USP15: variants seen among roughly 807,000 people sequenced by gnomAD.
USP15 encodes ubiquitin carboxyl-terminal hydrolase 15.
In USP15, 18 loss-of-function variants were observed where a neutral mutation model predicts 127.1. That is an observed-to-expected ratio of 0.14 (90% CI 0.10 to 0.21). The LOEUF (loss-of-function observed/expected upper bound fraction) is 0.21. Among genes scored for constraint, USP15 ranks in the 10% least tolerant of loss-of-function variants. The probability of loss-of-function intolerance (pLI) is 1.00; values close to 1 mark genes in which losing one functional copy is unlikely to be tolerated. For synonymous variants in USP15, 364 were observed against 393.7 expected (o/e 0.92, Z 0.89); for missense variants, 805 against 1,159.9 (o/e 0.69, Z 4.44).
At chr12:62,268,627 T>G (rs1167017142) in intron 1 of USP15, among the ~76,000 whole-genome samples, 1 of 152,130 alleles carries the variant, frequency 6.6e-6, no homozygotes, top group Non-Finnish European at 1.5e-5. Flanking sequence ...TTCTTAAAAA[T>G]TACTGACTTT....
At chr12:62,380,654 A>C (rs1280099650) in intron 8 of USP15, among the ~76,000 whole-genome samples, 1 of 152,022 alleles carries the variant, frequency 6.6e-6, no homozygotes, top group Non-Finnish European at 1.5e-5. Context: ...ATGTGACCAT[A>C]TGTCTGTGTT....
chr12:62,314,911 C>T lies in USP15; in HGVS notation c.470C>T (p.Thr157Ile). The change falls in exon 4 of 22, where the codon ACA (threonine) becomes ATA (isoleucine). Residue 157 changes from threonine to isoleucine, a missense_variant. By Grantham distance (89) the Thr-to-Ile change is moderately conservative. This residue lies in a region of USP15 where 57 missense variants were observed against 47.3 expected (regional missense o/e 1.20). Transcript: ENST00000280377. ...ACTCGAAGATTTAGCAAAGCTGACACAATAGGTAATGCAAGATCCTGTCTT... is the reference window on the plus strand; with the variant it reads ...ACTCGAAGATTTAGCAAAGCTGACATAATAGGTAATGCAAGATCCTGTCTT... The part of the protein sequence containing the change: ...VVTRRFSKAD[T>I]IDTIEKEIRK... 2 of 1,574,716 alleles carry T rather than the reference C, an allele frequency of 1.3e-6. No homozygotes were observed. The highest frequency in any genetic ancestry group is 1.7e-6 in the Non-Finnish European group (2 of 1,160,898).
chr12:62,342,608 T>C (rs571883322), intron 6 of USP15, among the ~76,000 whole-genome samples: 1 of 152,142 alleles, frequency 6.6e-6, no homozygotes, highest in African/African-American at 2.4e-5. Context: ...GTCTTTTTGT[T>C]GATGTTGTTG....
At chr12:62,383,411 C>T (rs1441283137) in intron 9 of USP15, among the ~76,000 whole-genome samples, 1 of 151,982 alleles carries the variant, frequency 6.6e-6, no homozygotes, top group Non-Finnish European at 1.5e-5. Flanking sequence ...ATATCTAACA[C>T]ATACTTTTTC....
At chr12:62,264,122 C>T (rs563535232) in intron 1 of USP15, among the ~76,000 whole-genome samples, 5 of 152,178 alleles carry the variant, frequency 3.3e-5, no homozygotes, top group African/African-American at 9.6e-5. Context: ...GTAGCTGGGC[C>T]TGCAGGCACA....
intron 6 of USP15, chr12:62,336,454 A>G (rs1289403196): frequency 1.0e-6 from 1 of 985,326 alleles, no homozygotes; most frequent in African/African-American, 1.7e-5. Context: ...CAAGTCTTGC[A>G]GATTCTGCCT....
chr12:62,402,599 G>A (rs1278644686), intron 21 of USP15, among the ~76,000 whole-genome samples: 4 of 152,014 alleles, frequency 2.6e-5, no homozygotes, highest in South Asian at 2.1e-4. Flanking sequence ...ATGACAAAGC[G>A]TGACATTTTA....
At chr12:62,303,817 C>G (rs1310269483) in intron 3 of USP15, among the ~76,000 whole-genome samples, 1 of 151,830 alleles carries the variant, frequency 6.6e-6, no homozygotes, top group African/African-American at 2.4e-5. Context: ...TTGAATGTAC[C>G]TTTTATTTAT....
At chr12:62,356,307 G>A (rs2066128776) in intron 8 of USP15, among the ~76,000 whole-genome samples, 1 of 151,744 alleles carries the variant, frequency 6.6e-6, no homozygotes, top group South Asian at 2.1e-4. Context: ...CCAGGAGGCA[G>A]CCTCAAAAGA....
At chr12:62,353,327 A>AT (rs2066017981) in intron 7 of USP15, among the ~76,000 whole-genome samples, 4 of 152,050 alleles carry the variant, frequency 2.6e-5, no homozygotes, top group African/African-American at 9.7e-5. Context: ...GTAAATAGCA[A>AT]TTTCTATCCC....
intron 20 of USP15, among the ~76,000 whole-genome samples, chr12:62,400,419 G>A (rs1010144141): frequency 1.1e-4 from 16 of 151,862 alleles, no homozygotes; most frequent in African/African-American, 2.9e-4. Flanking sequence ...ATGCCTGCAC[G>A]TCACTTCATT....
intron 1 of USP15, among the ~76,000 whole-genome samples, chr12:62,281,993 C>G (rs1181986417): frequency 1.3e-5 from 2 of 152,056 alleles, no homozygotes; most frequent in Non-Finnish European, 2.9e-5. Flanking sequence ...TAGTAGCAAA[C>G]CTTATATACA....
At chr12:62,354,182 G>A (rs1216275876) in intron 7 of USP15, among the ~76,000 whole-genome samples, 2 of 151,272 alleles carry the variant, frequency 1.3e-5, no homozygotes, top group Non-Finnish European at 3.0e-5. Flanking sequence ...TCTTAGAACA[G>A]GTAGTATAGT....
In USP15 at chr12:62,389,717, T is replaced by C; in HGVS notation, c.1652+18T>C. On this transcript the variant is annotated intron_variant, in intron 13 of 21. Coordinates refer to ENST00000280377, the MANE Select transcript of USP15 (RefSeq NM_001252078.2). ...ATTTATGTGTAAGTATAAAACTCAT[T>C]GTGCAAAATATTACTTGAAAAAAAA... is the stretch of plus-strand genomic sequence containing the variant. 1 of 1,601,800 alleles carries C rather than the reference T, an allele frequency of 6.2e-7. No individual in the cohort carries two copies. The highest frequency in any genetic ancestry group is 1.1e-5 in the South Asian group (1 of 88,768).
rs972756711 is a variant in USP15, at chr12:62,315,294, A to C, written c.475+378A>C. On this transcript the variant is annotated intron_variant, in intron 4 of 21. Transcript: ENST00000280377. ...CTCTTAGTTTATTCTTTGGTACTAT[A>C]AATACAGTCAAGTAGCCAAGGCAGC... 3.3e-5 allele frequency among the ~76,000 whole-genome samples: 5 copies of C among 152,026 alleles called. No individual in the cohort carries two copies. In the South Asian group the frequency reaches 1.0e-3, roughly 31 times the overall value.
intron 4 of USP15, among the ~76,000 whole-genome samples, chr12:62,320,173 T>TC (rs2064945180): frequency 6.6e-6 from 1 of 152,174 alleles, no homozygotes; most frequent in African/African-American, 2.4e-5. Flanking sequence ...CAAATTGTAA[T>TC]CCCCCATGTG....
At chr12:62,362,069 T>G (rs2066334634) in intron 8 of USP15, among the ~76,000 whole-genome samples, 1 of 152,112 alleles carries the variant, frequency 6.6e-6, no homozygotes, top group South Asian at 2.1e-4. Context: ...GTCTGTGAGT[T>G]AGGGCATAAG....
In USP15 at chr12:62,355,350, T is replaced by C. The variant is rs769317461; in HGVS notation, c.790T>C (p.Cys264Arg). 6.3e-6 allele frequency: 10 copies of C among 1,596,106 alleles called. No individual in the cohort carries two copies. The highest frequency in any genetic ancestry group is 6.8e-6 in the Non-Finnish European group (8 of 1,173,204). ...TTCCAGTGTGAAAAACTCAAATTACTGTCTTCCATCATATACCGCTTATAA... is the reference window on the plus strand; with the variant it reads ...TTCCAGTGTGAAAAACTCAAATTACCGTCTTCCATCATATACCGCTTATAA... ...NNRNVKNSNY[C>R]LPSYTAYKNY... The change falls in exon 8 of 22, where the codon TGT becomes CGT. Residue 264 changes from cysteine (C) to arginine (R), a missense_variant. Coordinates refer to ENST00000280377, the MANE Select transcript of USP15 (RefSeq NM_001252078.2).
intron 8 of USP15, among the ~76,000 whole-genome samples, chr12:62,360,419 T>C (rs1028530458): frequency 1.3e-5 from 2 of 152,044 alleles, no homozygotes; most frequent in Non-Finnish European, 2.9e-5. Flanking sequence ...TTTTTAAAGA[T>C]TTAATTTAAG....
Sources: allele counts gnomAD v4.1 joint callset (sites outside exome capture counted in the v4.1 genomes callset), GRCh38; gene constraint gnomAD v4.1.1; regional missense constraint gnomAD v4.1.1; transcripts MANE v1.5; gene names NCBI Gene and HGNC (gene_info 2026-07-23, HGNC 2026-07-21).